Variants in SORCS1 observed in about 807,000 individuals in gnomAD.
SORCS1 encodes VPS10 domain-containing receptor SorCS1.
In SORCS1, 60 loss-of-function variants were observed where a neutral mutation model predicts 146.1. That is an observed-to-expected ratio of 0.41 (90% CI 0.33 to 0.51). The LOEUF (loss-of-function observed/expected upper bound fraction) is 0.51. Among genes scored for constraint, SORCS1 ranks in the 20% least tolerant of loss-of-function variants. The probability of loss-of-function intolerance (pLI) is 0.21; values close to 1 mark genes in which losing one functional copy is unlikely to be tolerated. For synonymous variants in SORCS1, 637 were observed against 584.0 expected (o/e 1.09, Z -1.31); for missense variants, 1,352 against 1,487.6 (o/e 0.91, Z 1.50).
At chr10:106,809,590 G>A (rs1947359381) in intron 3 of SORCS1, among the ~76,000 whole-genome samples, 1 of 152,180 alleles carries the variant, frequency 6.6e-6, no homozygotes, top group African/African-American at 2.4e-5. Context: ...TACAAAGGAA[G>A]GGGCTAGTAA....
intron 1 of SORCS1, among the ~76,000 whole-genome samples, chr10:107,010,542 C>A (rs1443390545): frequency 6.6e-6 from 1 of 152,176 alleles, no homozygotes; most frequent in African/African-American, 2.4e-5. Flanking sequence ...CAGTTCATCT[C>A]CCCTGCAGAT....
At chr10:106,765,167 C>T (rs184201832) in intron 4 of SORCS1, among the ~76,000 whole-genome samples, 2 of 152,090 alleles carry the variant, frequency 1.3e-5, no homozygotes, top group African/African-American at 2.4e-5. Context: ...GAATGCAACA[C>T]AGAAAATCCT....
intron 17 of SORCS1, among the ~76,000 whole-genome samples, chr10:106,660,544 TAACTA>T (rs934485651): frequency 2.6e-5 from 4 of 152,184 alleles, no homozygotes; most frequent in Non-Finnish European, 5.9e-5. Flanking sequence ...AGTATAAACA[TAACTA>T]TTTTGCTAGA....
In SORCS1 at chr10:106,739,041, C is replaced by T. The variant is rs565126758; in HGVS notation, c.960-8927G>A. ...GGACTAGGTATTTGAACTACAGACT[C>T]ACTATGGATGATCAGAAAGGTTGGG... On this transcript the variant is annotated intron_variant, in intron 5 of 25. Coordinates refer to ENST00000263054, the MANE Select transcript of SORCS1 (RefSeq NM_052918.5). 6.6e-5 allele frequency among the ~76,000 whole-genome samples: 10 copies of T among 152,258 alleles called. No individual in the cohort carries two copies. The South Asian group carries it at 2.1e-3, about 32-fold the overall frequency.
chr10:107,035,262 C>CAAAAA (rs201009614), intron 1 of SORCS1, among the ~76,000 whole-genome samples: 2 of 28,372 alleles, frequency 7.0e-5, no homozygotes, highest in Admixed American at 3.9e-4. Context: ...AGTGAAGCTT[C>CAAAAA]AAAAAAAAAA....
At chr10:106,801,041 G>T (rs4917487) in intron 3 of SORCS1, among the ~76,000 whole-genome samples, 1 of 151,974 alleles carries the variant, frequency 6.6e-6, no homozygotes, top group African/African-American at 2.4e-5. Flanking sequence ...ACCTTTCATC[G>T]TCTTTAGTTC....
intron 2 of SORCS1, among the ~76,000 whole-genome samples, chr10:106,856,757 C>T (rs1290456471): frequency 6.6e-6 from 1 of 152,162 alleles, no homozygotes; most frequent in East Asian, 1.9e-4. Flanking sequence ...CCACACTGAG[C>T]CTCCTGCAAA....
rs1564838023 is a variant in SORCS1 at position 106,944,871 on chromosome 10, CTTCTTTTTT to C, written c.626+11633_626+11641del. Reference sequence around the variant, plus strand: ...ATGGTAGAAAGAAGCAAGAAAGAGCCTTCTTTTTTTTTTTTTTTTTTTTTTTTTTTTGGA... The same window carrying C: ...ATGGTAGAAAGAAGCAAGAAAGAGCCTTTTTTTTTTTTTTTTTTTTTTGGA... On this transcript the variant is annotated intron_variant, in intron 2 of 25. Transcript: ENST00000263054. 3.8e-3 allele frequency among the ~76,000 whole-genome samples: 231 copies of C among 61,016 alleles called. 16 individuals are homozygous for C. The highest frequency in any genetic ancestry group is 0.016 in the East Asian group (40 of 2,536). The allele number at this position is 61,016 out of a possible 152,430, so 40.0% of individuals were successfully genotyped here.
chr10:106,590,855 G>A (rs749214086), intron 24 of SORCS1, among the ~76,000 whole-genome samples: 3 of 152,062 alleles, frequency 2.0e-5, no homozygotes, highest in East Asian at 3.9e-4. Context: ...GGATTTCACC[G>A]TGTTGGTCAG....
chr10:106,673,314 G>A (rs983780955), intron 14 of SORCS1, among the ~76,000 whole-genome samples: 1 of 151,908 alleles, frequency 6.6e-6, no homozygotes, highest in African/African-American at 2.4e-5. Flanking sequence ...TCTATTTTTA[G>A]TAGAGATGGG....
intron 1 of SORCS1, among the ~76,000 whole-genome samples, chr10:107,038,002 T>C (rs1303351370): frequency 6.6e-6 from 1 of 152,136 alleles, no homozygotes; most frequent in Non-Finnish European, 1.5e-5. Flanking sequence ...AGTTTTTGTA[T>C]TTTTAGTAGA....
chr10:106,764,531 C>T (rs1859397536), intron 4 of SORCS1, among the ~76,000 whole-genome samples: 1 of 152,170 alleles, frequency 6.6e-6, no homozygotes, highest in Admixed American at 6.5e-5. Context: ...GTCTCTGACT[C>T]CAAGGTTTCT....
intron 3 of SORCS1, among the ~76,000 whole-genome samples, chr10:106,825,520 C>T (rs1271269368): frequency 6.6e-6 from 1 of 152,034 alleles, no homozygotes; most frequent in Non-Finnish European, 1.5e-5. Flanking sequence ...GATCCACCCG[C>T]CTCGGCCTCC....
chr10:106,922,274 A>G (rs1952752300), intron 2 of SORCS1, among the ~76,000 whole-genome samples: 1 of 152,172 alleles, frequency 6.6e-6, no homozygotes, highest in African/African-American at 2.4e-5. Context: ...ATAGAACCTC[A>G]ACAGAGTAAG....
intron 2 of SORCS1, among the ~76,000 whole-genome samples, chr10:106,911,434 T>A (rs1952146705): frequency 6.6e-6 from 1 of 152,128 alleles, no homozygotes; most frequent in Non-Finnish European, 1.5e-5. Flanking sequence ...AATGTCCTTT[T>A]CTTCTCCTCT....
chr10:106,769,220 T>C (rs2136309078), intron 4 of SORCS1, among the ~76,000 whole-genome samples: 1 of 152,272 alleles, frequency 6.6e-6, no homozygotes, highest in South Asian at 2.1e-4. Context: ...GAGCGGTGGC[T>C]CACGCTTGTA....
At chr10:106,740,944 C>A (rs562553953) in intron 5 of SORCS1, among the ~76,000 whole-genome samples, 13 of 152,304 alleles carry the variant, frequency 8.5e-5, no homozygotes, top group African/African-American at 3.1e-4. Context: ...CTATACACCA[C>A]CTGTAAAAAA....
At chr10:106,983,021 TA>T (rs912766658) in intron 1 of SORCS1, among the ~76,000 whole-genome samples, 11 of 150,012 alleles carry the variant, frequency 7.3e-5, no homozygotes, top group South Asian at 4.2e-4. Context: ...CAAAGGTGCT[TA>T]AAAAAAAAGA....
chr10:106,859,038 G>A (rs372105847), intron 2 of SORCS1, among the ~76,000 whole-genome samples: 4 of 152,316 alleles, frequency 2.6e-5, no homozygotes, highest in East Asian at 1.9e-4. Context: ...CCTCACAGAT[G>A]CGGCCTCTCT....
Sources: gnomAD v4.1 joint callset for allele counts (sites outside exome capture counted in the v4.1 genomes callset) on GRCh38, gnomAD v4.1.1 for gene constraint, MANE v1.5 for transcripts, NCBI Gene and HGNC (gene_info 2026-07-23, HGNC 2026-07-21) for gene names.